CIMIP2C: variants seen among roughly 807,000 people sequenced by gnomAD.
CIMIP2C encodes the protein UPF0573 protein C2orf70.
chr2:26,574,350 G>T, the CIMIP2C span, among the ~76,000 whole-genome samples: 1 of 152,218 alleles, frequency 6.6e-6, no homozygotes, highest in Non-Finnish European at 1.5e-5. Flanking sequence ...AGGGCACATG[G>T]CTGGGCTCAG....
chr2:26,563,655 C>CA, the CIMIP2C span, among the ~76,000 whole-genome samples: 1 of 152,342 alleles, frequency 6.6e-6, no homozygotes, highest in Admixed American at 6.5e-5. Flanking sequence ...GAGGATTCTG[C>CA]AGGCAGAGTC....
At chr2:26,575,324 C>G in the CIMIP2C span, among the ~76,000 whole-genome samples, 1 of 152,194 alleles carries the variant, frequency 6.6e-6, no homozygotes, top group African/African-American at 2.4e-5. Flanking sequence ...ACTGACCGGG[C>G]CCCCCACCCA....
At chr2:26,572,775 G>A in the CIMIP2C span, among the ~76,000 whole-genome samples, 1 of 152,212 alleles carries the variant, frequency 6.6e-6, no homozygotes, top group South Asian at 2.1e-4. Context: ...AAGGCTTGGA[G>A]GGGCGGAGCA....
chr2:26,575,832 G>A, the CIMIP2C span: 1 of 1,535,272 alleles, frequency 6.5e-7, no homozygotes, highest in Non-Finnish European at 8.8e-7. Context: ...CACTTTTAAG[G>A]GCCTCTCTTG....
chr2:26,576,218 C>T, the CIMIP2C span: 1,982 of 1,576,018 alleles, frequency 1.3e-3, 4 homozygotes, highest in Non-Finnish European at 1.5e-3. Flanking sequence ...CTCCTGCCCA[C>T]CTGCCCCCAC....
the CIMIP2C span, chr2:26,576,024 A>C: frequency 6.2e-7 from 1 of 1,614,172 alleles, no homozygotes; most frequent in Non-Finnish European, 8.5e-7. Context: ...CCCTTCAGCC[A>C]AGGCGGCCAT....
At chr2:26,578,720 C>T in the CIMIP2C span, 1 of 470,228 alleles carries the variant, frequency 2.1e-6, no homozygotes, top group Non-Finnish European at 4.4e-6. Context: ...CAGGATCTGC[C>T]CCCCATCCCC....
At chr2:26,562,725 C>G in the CIMIP2C span, 3 of 1,519,566 alleles carry the variant, frequency 2.0e-6, no homozygotes, top group Non-Finnish European at 2.7e-6. Flanking sequence ...CCCCCTTCCA[C>G]TAGCGCCCTC....
the CIMIP2C span, among the ~76,000 whole-genome samples, chr2:26,573,568 C>T: frequency 2.8e-4 from 42 of 152,366 alleles, no homozygotes; most frequent in Non-Finnish European, 5.9e-5. Flanking sequence ...TCTCCTGAAG[C>T]GGCCAAGGTG....
the CIMIP2C span, among the ~76,000 whole-genome samples, chr2:26,567,990 C>A: frequency 4.6e-5 from 7 of 152,264 alleles, no homozygotes; most frequent in Admixed American, 4.6e-4. Context: ...AAAGAAGGGA[C>A]CTCCTCGTGT....
chr2:26,572,175 C>T, the CIMIP2C span: 13 of 1,510,572 alleles, frequency 8.6e-6, no homozygotes, highest in African/African-American at 1.4e-5. Flanking sequence ...CATCTCCCCT[C>T]CACCCACCCC....
chr2:26,572,101 G>A, the CIMIP2C span: 17 of 1,543,348 alleles, frequency 1.1e-5, no homozygotes, highest in Middle Eastern at 6.7e-4. Context: ...TTCTAACGAT[G>A]TGTTTCAATT....
the CIMIP2C span, chr2:26,562,797 C>A: frequency 1.1e-6 from 1 of 927,660 alleles, no homozygotes; most frequent in Non-Finnish European, 1.7e-6. Context: ...CCCCGAGGAG[C>A]CAATTTTCCA....
chr2:26,570,817 C>T, the CIMIP2C span, among the ~76,000 whole-genome samples: 1 of 152,028 alleles, frequency 6.6e-6, no homozygotes. Flanking sequence ...TCCATTTAGA[C>T]CAGGGAGGAG....
the CIMIP2C span, chr2:26,576,128 T>C: frequency 6.2e-7 from 1 of 1,614,150 alleles, no homozygotes; most frequent in East Asian, 2.2e-5. Context: ...CTACACTCGC[T>C]TCAACCTGGA....
At chr2:26,576,623 G>T in the CIMIP2C span, among the ~76,000 whole-genome samples, 594 of 152,262 alleles carry the variant, frequency 3.9e-3, 5 homozygotes, top group African/African-American at 0.013. Flanking sequence ...CCAGCCCCAC[G>T]GCATTTATCC....
the CIMIP2C span, among the ~76,000 whole-genome samples, chr2:26,571,781 G>A: frequency 6.6e-6 from 1 of 152,116 alleles, no homozygotes; most frequent in Admixed American, 6.5e-5. Flanking sequence ...TAGACCTTAT[G>A]TGTATATTCA....
At chr2:26,569,775 G>A in the CIMIP2C span, among the ~76,000 whole-genome samples, 2 of 152,088 alleles carry the variant, frequency 1.3e-5, no homozygotes, top group African/African-American at 4.8e-5. Flanking sequence ...GGTGGTGGAT[G>A]GGAGCAGATG....
At chr2:26,565,053 CCTT>C in the CIMIP2C span, among the ~76,000 whole-genome samples, 1 of 148,756 alleles carries the variant, frequency 6.7e-6, no homozygotes, top group Non-Finnish European at 1.5e-5. Context: ...TTCTCCTTCT[CCTT>C]CTTCTTCCCC....
Sources: allele counts gnomAD v4.1 joint callset (sites outside exome capture counted in the v4.1 genomes callset), GRCh38; gene constraint gnomAD v4.1.1; transcripts MANE v1.5; gene names NCBI Gene and HGNC (gene_info 2026-07-23, HGNC 2026-07-21).